The following GXYLT1 variants were observed in gnomAD, a reference collection of about 807,000 sequenced individuals.
GXYLT1 encodes the protein glucoside xylosyltransferase 1.
A neutral mutation model predicts 54.0 loss-of-function variants in GXYLT1; 29 were observed. That is an observed-to-expected ratio of 0.54 (90% confidence interval 0.40 to 0.73). The LOEUF (loss-of-function observed/expected upper bound fraction) is 0.73. Among genes scored for constraint, GXYLT1 ranks in the 30% least tolerant of loss-of-function variants. GXYLT1 has a pLI of 0.00. For synonymous variants in GXYLT1, 176 were observed against 204.1 expected (o/e 0.86, Z 1.17); for missense variants, 490 against 553.4 (o/e 0.89, Z 1.15).
chr12:42,136,090 T>G (rs1399154275), intron 1 of GXYLT1, among the ~76,000 whole-genome samples: 1 of 152,254 alleles, frequency 6.6e-6, no homozygotes. Flanking sequence ...TTTATAGTTT[T>G]TTAACTCCCA....
intron 3 of GXYLT1, among the ~76,000 whole-genome samples, chr12:42,114,987 A>G (rs916803506): frequency 6.6e-6 from 1 of 152,254 alleles, no homozygotes; most frequent in Non-Finnish European, 1.5e-5. Context: ...TATGGAAATC[A>G]ATAAACGTAA....
chr12:42,117,884 T>C (rs1282909261), intron 3 of GXYLT1, among the ~76,000 whole-genome samples: 3 of 152,216 alleles, frequency 2.0e-5, no homozygotes, highest in Non-Finnish European at 4.4e-5. Flanking sequence ...AATGGGATAC[T>C]GGCAGAAATG....
chr12:42,117,758 A>T (rs1370217078), intron 3 of GXYLT1, among the ~76,000 whole-genome samples: 1 of 152,056 alleles, frequency 6.6e-6, no homozygotes, highest in African/African-American at 2.4e-5. Flanking sequence ...CTGTTCTCTT[A>T]TTGTACAATA....
intron 2 of GXYLT1, among the ~76,000 whole-genome samples, chr12:42,120,741 GC>G (rs1382256494): frequency 1.3e-5 from 2 of 151,930 alleles, no homozygotes; most frequent in Non-Finnish European, 2.9e-5. Flanking sequence ...TCACTATGTT[GC>G]CCAGGCTAGT....
chr12:42,090,643 TA>T lies in GXYLT1; in HGVS notation c.1162-2697del, dbSNP rs542080765. ...GGCAATTTGAGGTATTTTCAAAGAATAGTACATCTTTGGAAAATACAGGAGA... is the reference window on the plus strand; with the variant it reads ...GGCAATTTGAGGTATTTTCAAAGAATGTACATCTTTGGAAAATACAGGAGA... On this transcript the variant is annotated intron_variant, in intron 7 of 7. Coordinates refer to ENST00000398675, the MANE Select transcript of GXYLT1 (RefSeq NM_173601.2). Among the ~76,000 whole-genome samples, 137 of 152,334 alleles carry T rather than the reference TA, an allele frequency of 9.0e-4. 1 individual carries two copies. Among genetic ancestry groups the T allele is most frequent in the African/African-American group, 3.1e-3 (128 of 41,572 alleles).
intron 2 of GXYLT1, among the ~76,000 whole-genome samples, chr12:42,124,041 TAAAAA>T (rs147779430): frequency 1.4e-5 from 2 of 144,830 alleles, no homozygotes; most frequent in African/African-American, 2.5e-5. Context: ...ACAAAATACT[TAAAAA>T]AAAAAGCTAG....
chr12:42,105,756 A>T, intron 5 of GXYLT1, 62 bp downstream of exon 5: 2 of 1,384,972 alleles, frequency 1.4e-6, no homozygotes, highest in Non-Finnish European at 2.0e-6. Flanking sequence ...ATTTAGTTTT[A>T]TTAAAAACAA....
chr12:42,104,831 C>G (rs1047807184), intron 5 of GXYLT1, among the ~76,000 whole-genome samples: 3 of 152,118 alleles, frequency 2.0e-5, no homozygotes, highest in Non-Finnish European at 4.4e-5. Flanking sequence ...GACATGATAT[C>G]CCTTAATGTT....
chr12:42,130,177 T>A (rs1053261292), intron 1 of GXYLT1, among the ~76,000 whole-genome samples: 1 of 152,138 alleles, frequency 6.6e-6, no homozygotes, highest in Non-Finnish European at 1.5e-5. Context: ...AGGCTACACA[T>A]ATACCCCTAG....
At chr12:42,107,939 T>C (rs924954300) in intron 4 of GXYLT1, among the ~76,000 whole-genome samples, 1 of 152,184 alleles carries the variant, frequency 6.6e-6, no homozygotes, top group Non-Finnish European at 1.5e-5. Context: ...TAGTTCTGAT[T>C]CCTTTCAGTT....
At chr12:42,093,775 G>A (rs1326910038) in intron 7 of GXYLT1, among the ~76,000 whole-genome samples, 1 of 151,752 alleles carries the variant, frequency 6.6e-6, no homozygotes, top group Admixed American at 6.6e-5. Context: ...TTGAATTCCT[G>A]AGCTTGCCCA....
At chr12:42,088,566 T>C (rs2065310807) in intron 7 of GXYLT1, among the ~76,000 whole-genome samples, 1 of 152,186 alleles carries the variant, frequency 6.6e-6, no homozygotes, top group Non-Finnish European at 1.5e-5. Flanking sequence ...GTCTGACCTG[T>C]TTGTCCCAAG....
intron 2 of GXYLT1, among the ~76,000 whole-genome samples, chr12:42,128,355 T>C (rs1380625148): frequency 1.3e-5 from 2 of 152,218 alleles, no homozygotes; most frequent in Admixed American, 6.5e-5. Flanking sequence ...CATCGCTTTA[T>C]GCCCCATAAA....
At chr12:42,108,936 A>C (rs1378925759) in intron 4 of GXYLT1, among the ~76,000 whole-genome samples, 1 of 152,182 alleles carries the variant, frequency 6.6e-6, no homozygotes, top group African/African-American at 2.4e-5. Context: ...GTGAATTTTA[A>C]AACTGGGTAA....
At chr12:42,143,344 G>C (rs1385445765) in intron 1 of GXYLT1, among the ~76,000 whole-genome samples, 1 of 152,102 alleles carries the variant, frequency 6.6e-6, no homozygotes, top group African/African-American at 2.4e-5. Flanking sequence ...GACAACTGAG[G>C]GTCCTGATGT....
chr12:42,113,771 A>C (rs1367413865), intron 3 of GXYLT1, among the ~76,000 whole-genome samples: 2 of 151,040 alleles, frequency 1.3e-5, no homozygotes, highest in Non-Finnish European at 2.9e-5. Context: ...GCTCTGCACC[A>C]AGCGGACCTA....
chr12:42,109,719 A>G (rs370368709), intron 3 of GXYLT1, 28 bp from the exon 4 acceptor site: 2 of 1,375,860 alleles, frequency 1.5e-6, no homozygotes, highest in African/African-American at 3.0e-5. Flanking sequence ...AAAACTGTTT[A>G]GTTTCACTCT....
intron 3 of GXYLT1, among the ~76,000 whole-genome samples, chr12:42,116,116 C>A (rs61940175): frequency 6.6e-6 from 1 of 151,868 alleles, no homozygotes; most frequent in Non-Finnish European, 1.5e-5. Context: ...TTACACCTTA[C>A]ACAAAAATTA....
At chr12:42,104,035 G>T (rs764351413) in intron 5 of GXYLT1, among the ~76,000 whole-genome samples, 1 of 152,274 alleles carries the variant, frequency 6.6e-6, no homozygotes, top group South Asian at 2.1e-4. Context: ...GATCACATGA[G>T]GCCAGGAGTT....
Sources: gnomAD v4.1 joint callset for allele counts (sites outside exome capture counted in the v4.1 genomes callset) on GRCh38, gnomAD v4.1.1 for gene constraint, MANE v1.5 for transcripts, NCBI Gene and HGNC (gene_info 2026-07-23, HGNC 2026-07-21) for gene names.